The following COL21A1 variants were observed in gnomAD, a reference collection of about 807,000 sequenced individuals.
COL21A1 encodes the protein collagen type XXI alpha 1 chain, also known as collagen alpha-1(XXI) chain.
In COL21A1, 149 loss-of-function variants were observed where a neutral mutation model predicts 137.9. The ratio of observed to expected loss-of-function variants is 1.08; its 90% CI spans 0.95 to 1.24. The LOEUF is 1.24. Among genes scored for constraint, COL21A1 ranks in the 50% most tolerant of loss-of-function variants. The pLI, the probability that COL21A1 is intolerant of heterozygous loss-of-function variation, is 0.00. For synonymous variants in COL21A1, 456 were observed against 391.5 expected (o/e 1.16, Z -1.95); for missense variants, 1,167 against 1,158.4 (o/e 1.01, Z -0.11).
chr6:56,228,804 A>C (rs1289400670), intron 1 of COL21A1, among the ~76,000 whole-genome samples: 5 of 151,796 alleles, frequency 3.3e-5, no homozygotes, highest in African/African-American at 1.2e-4. Flanking sequence ...GTATGGAATA[A>C]AACAAATGAC....
In COL21A1 at chr6:56,131,132, G is replaced by GT. The variant is rs558819082; in HGVS notation, c.1543-4984dup. 3.9e-3 allele frequency among the ~76,000 whole-genome samples: 589 copies of GT among 152,162 alleles called. 4 individuals are homozygous for GT. The highest frequency in any genetic ancestry group is 0.013 in the African/African-American group (560 of 41,506). On this transcript the variant is annotated intron_variant, in intron 12 of 29. Coordinates refer to ENST00000244728, the MANE Select transcript of COL21A1 (RefSeq NM_030820.4). ...TATATGTCATTGGCTTTGGGGACAG[G>GT]TAGTGAGCAATGAAAAACAATTACT...
chr6:56,224,019 G>C (rs75131041), intron 1 of COL21A1, among the ~76,000 whole-genome samples: 2,666 of 152,100 alleles, frequency 0.018, 45 homozygotes, highest in Non-Finnish European at 0.028. Flanking sequence ...TTCCTGACTG[G>C]AATAAGAAAG....
At chr6:56,355,056 G>T (rs1219205371) in intron 1 of COL21A1, among the ~76,000 whole-genome samples, 1 of 151,870 alleles carries the variant, frequency 6.6e-6, no homozygotes, top group Non-Finnish European at 1.5e-5. Flanking sequence ...TGACTCAGGG[G>T]GTTCTCGTTG....
At chr6:56,292,400 C>CCA (rs913386973) in intron 1 of COL21A1, among the ~76,000 whole-genome samples, 1 of 141,302 alleles carries the variant, frequency 7.1e-6, no homozygotes, top group Admixed American at 7.4e-5. Context: ...GACCCCCCCC[C>CCA]TCCCCCGCCA....
chr6:56,221,124 A>T (rs944316118), intron 1 of COL21A1, among the ~76,000 whole-genome samples: 1 of 152,104 alleles, frequency 6.6e-6, no homozygotes, highest in Non-Finnish European at 1.5e-5. Context: ...AGTCTGTCTC[A>T]TGCATTTTAG....
chr6:56,182,585 A>C lies in COL21A1; in HGVS notation c.34T>G (p.Leu12Val). 2 of 1,605,982 alleles carry C rather than the reference A, an allele frequency of 1.2e-6. No individual in the cohort carries two copies. Among genetic ancestry groups the C allele is most frequent in the Non-Finnish European group, 1.7e-6 (2 of 1,175,378 alleles). The change falls in exon 2 of 30, where the codon TTG (leucine) becomes GTG (valine). Residue 12 changes from leucine (L) to valine (V), a missense_variant. Leu to Val is a conservative substitution (Grantham distance 32). Coordinates refer to ENST00000244728, the MANE Select transcript of COL21A1 (RefSeq NM_030820.4). ...AHYITFLCMV[L>V]VLLLQNSVLA... The stretch of plus-strand genomic sequence containing the variant: ...ACAGAATTCTGAAGAAGCAGCACCA[A>C]AACCATGCAGAGAAATGTAATATAG...
intron 1 of COL21A1, among the ~76,000 whole-genome samples, chr6:56,315,762 A>G (rs1321248482): frequency 6.6e-6 from 1 of 151,646 alleles, no homozygotes; most frequent in African/African-American, 2.4e-5. Flanking sequence ...AGGTCAATCA[A>G]GTTCTTCTCT....
At chr6:56,254,358 G>C (rs866493073) in intron 1 of COL21A1, among the ~76,000 whole-genome samples, 28 of 152,148 alleles carry the variant, frequency 1.8e-4, no homozygotes, top group African/African-American at 6.3e-4. Flanking sequence ...AAAGCAGAGG[G>C]AAGATACATT....
intron 1 of COL21A1, among the ~76,000 whole-genome samples, chr6:56,321,383 A>G (rs1411452856): frequency 1.3e-5 from 2 of 152,192 alleles, no homozygotes; most frequent in South Asian, 2.1e-4. Flanking sequence ...GTTTGGAGCA[A>G]AAGTCATTGA....
intron 1 of COL21A1, among the ~76,000 whole-genome samples, chr6:56,298,605 G>C (rs959620489): frequency 6.6e-6 from 1 of 152,048 alleles, no homozygotes; most frequent in South Asian, 2.1e-4. Context: ...AAGGTCTAAA[G>C]AGTTGGTGGC....
At chr6:56,230,485 A>T (rs1781490057) in intron 1 of COL21A1, among the ~76,000 whole-genome samples, 1 of 151,880 alleles carries the variant, frequency 6.6e-6, no homozygotes, top group Admixed American at 6.6e-5. Context: ...TTTAAGGAAA[A>T]GATATACTTC....
intron 10 of COL21A1, among the ~76,000 whole-genome samples, chr6:56,143,229 C>A (rs1774562790): frequency 7.5e-6 from 1 of 132,668 alleles, no homozygotes; most frequent in South Asian, 2.4e-4. Context: ...GAGACAGAGT[C>A]TCACTCTGTC....
intron 12 of COL21A1, among the ~76,000 whole-genome samples, chr6:56,131,137 G>T (rs767104373): frequency 6.6e-6 from 1 of 151,934 alleles, no homozygotes; most frequent in Non-Finnish European, 1.5e-5. Context: ...GACAGGTAGT[G>T]AGCAATGAAA....
chr6:56,215,446 A>T (rs187346247), intron 1 of COL21A1, among the ~76,000 whole-genome samples: 49 of 152,144 alleles, frequency 3.2e-4, no homozygotes, highest in Admixed American at 1.6e-3. Context: ...CAAGATGGAA[A>T]TGTTTCTGGA....
chr6:56,186,735 C>T (rs1778334074), intron 1 of COL21A1, among the ~76,000 whole-genome samples: 1 of 151,910 alleles, frequency 6.6e-6, no homozygotes, highest in Non-Finnish European at 1.5e-5. Flanking sequence ...GGAAATGAAG[C>T]TAATGAAATA....
chr6:56,350,185 A>C (rs1481512968), intron 1 of COL21A1, among the ~76,000 whole-genome samples: 1 of 152,200 alleles, frequency 6.6e-6, no homozygotes, highest in Non-Finnish European at 1.5e-5. Flanking sequence ...ATACACTTGC[A>C]GTCCACTCCA....
intron 1 of COL21A1, among the ~76,000 whole-genome samples, chr6:56,354,896 T>C (rs889412249): frequency 1.3e-5 from 2 of 152,128 alleles, no homozygotes; most frequent in Non-Finnish European, 2.9e-5. Flanking sequence ...GAAGAAAACA[T>C]ATCCAACAAG....
chr6:56,152,385 T>C (rs770246413), intron 10 of COL21A1, among the ~76,000 whole-genome samples: 25 of 152,192 alleles, frequency 1.6e-4, no homozygotes, highest in Admixed American at 1.3e-4. Context: ...AAAGTTCCTT[T>C]TGCATGTAAA....
intron 1 of COL21A1, among the ~76,000 whole-genome samples, chr6:56,218,803 A>T (rs1159468751): frequency 1.3e-5 from 2 of 152,078 alleles, no homozygotes; most frequent in African/African-American, 4.8e-5. Flanking sequence ...GTGCAGTGGT[A>T]GTTCAAGTTT....
Sources: gnomAD v4.1 joint callset for allele counts (sites outside exome capture counted in the v4.1 genomes callset) on GRCh38, gnomAD v4.1.1 for gene constraint, MANE v1.5 for transcripts, NCBI Gene and HGNC (gene_info 2026-07-23, HGNC 2026-07-21) for gene names.